The following CACHD1 variants were observed in gnomAD, a reference collection of about 807,000 sequenced individuals.
The protein encoded by CACHD1 is cache domain containing 1, also known as VWFA and cache domain-containing protein 1.
In CACHD1, 71 loss-of-function variants were observed where a neutral mutation model predicts 138.7. That is an observed-to-expected ratio of 0.51 (90% CI 0.42 to 0.62). The LOEUF is 0.62. Ranked by LOEUF, CACHD1 falls within the 20% of genes least tolerant of loss-of-function variation. The pLI, the probability that CACHD1 is intolerant of heterozygous loss-of-function variation, is 0.00. For synonymous variants in CACHD1, 578 were observed against 591.5 expected (o/e 0.98, Z 0.33); for missense variants, 1,389 against 1,625.3 (o/e 0.85, Z 2.50).
chr1:64,570,588 G>T (rs1646919416), intron 2 of CACHD1, among the ~76,000 whole-genome samples: 2 of 152,070 alleles, frequency 1.3e-5, no homozygotes, highest in Admixed American at 6.5e-5. Flanking sequence ...TCTTCTGTTT[G>T]CAGTTCGCCC....
chr1:64,509,566 A>G (rs941443772), intron 1 of CACHD1, among the ~76,000 whole-genome samples: 8 of 152,216 alleles, frequency 5.3e-5, no homozygotes, highest in Non-Finnish European at 7.3e-5. Context: ...TTATTCAGTA[A>G]TTTTATAAGT....
intron 8 of CACHD1, among the ~76,000 whole-genome samples, chr1:64,645,877 A>G (rs755327865): frequency 2.5e-4 from 38 of 152,270 alleles, no homozygotes; most frequent in Non-Finnish European, 5.1e-4. Context: ...ACTGTCCCCT[A>G]AATCTCGCAG....
chr1:64,658,947 CCCCACCCCTCCAAAAAAGATA>C lies in CACHD1; in HGVS notation c.1951+76_1951+96del, dbSNP rs558445664. 572 of 1,254,994 alleles carry C rather than the reference CCCCACCCCTCCAAAAAAGATA, an allele frequency of 4.6e-4. 3 individuals carry two copies. The African/African-American group carries it at 7.6e-3, about 17-fold the overall frequency. 77.7% of individuals were successfully genotyped at this position (1,254,994 alleles called of 1,614,324 possible). On this transcript the variant is annotated intron_variant, in intron 13 of 26. Coordinates refer to ENST00000651257, the MANE Select transcript of CACHD1 (RefSeq NM_020925.4). ...TAAATATCCTTTTGAATACCATCCA[CCCCACCCCTCCAAAAAAGATA>C]CTGAATGCCTGCAGAGTCAGCTGGT...
At position 64,492,045 on chromosome 1, in the gene CACHD1, T is replaced by A. The variant is rs1646279758; in HGVS notation, c.198+21103T>A. On this transcript the variant is annotated intron_variant, in intron 1 of 26. Transcript: ENST00000651257. ...TCCTGAAAGTACCTTTCACTAGTTT[T>A]TTTTCTTGACAAAAGATGGTTTGAA... Among the ~76,000 whole-genome samples, 3 of 152,106 alleles carry A rather than the reference T, an allele frequency of 2.0e-5. No homozygotes were observed. In the South Asian group the frequency reaches 6.2e-4, roughly 32 times the overall value.
In CACHD1 at chr1:64,653,999, C is replaced by T. The variant is rs1649186944; in HGVS notation, c.1664+118C>T. The T allele has an allele frequency of 1.2e-5, 11 of 895,784 alleles. No individual in the cohort carries two copies. The South Asian group carries it at 2.4e-4, about 19-fold the overall frequency. 55.5% of individuals were successfully genotyped at this position (895,784 alleles called of 1,614,324 possible). On this transcript the variant is annotated intron_variant, in intron 11 of 26. Coordinates refer to ENST00000651257, the MANE Select transcript of CACHD1 (RefSeq NM_020925.4). ...AGTGTATAAATTATTTTAATGTTAT[C>T]AAAAGTATTCTCAGTAATGTTTCCG...
chr1:64,487,111 T>C (rs1646247344), intron 1 of CACHD1, among the ~76,000 whole-genome samples: 1 of 152,172 alleles, frequency 6.6e-6, no homozygotes, highest in Admixed American at 6.6e-5. Flanking sequence ...ATAGGATCAC[T>C]GTGGAGAACA....
chr1:64,537,495 G>A (rs1646642289), intron 1 of CACHD1, among the ~76,000 whole-genome samples: 1 of 152,156 alleles, frequency 6.6e-6, no homozygotes, highest in Admixed American at 6.5e-5. Flanking sequence ...ACTTGAAGAG[G>A]CCAGTTTGTT....
chr1:64,625,575 C>T (rs11579597), intron 4 of CACHD1, among the ~76,000 whole-genome samples: 24,596 of 150,794 alleles, frequency 0.16, 2,305 homozygotes, highest in African/African-American at 0.25. Context: ...TGCAGTGAGC[C>T]GAGATTGCAC....
intron 7 of CACHD1, among the ~76,000 whole-genome samples, chr1:64,635,519 G>A (rs1648494880): frequency 6.6e-6 from 1 of 151,372 alleles, no homozygotes; most frequent in Non-Finnish European, 1.5e-5. Flanking sequence ...GAGTAGCTGG[G>A]ATTACAGGCA....
At chr1:64,503,448 A>C (rs1001221161) in intron 1 of CACHD1, among the ~76,000 whole-genome samples, 1 of 152,254 alleles carries the variant, frequency 6.6e-6, no homozygotes, top group African/African-American at 2.4e-5. Flanking sequence ...ATACTAAGTC[A>C]TGCCTTTTAG....
chr1:64,563,638 A>G (rs986985046), intron 2 of CACHD1: 4 of 152,134 alleles, frequency 2.6e-5, no homozygotes, highest in African/African-American at 9.7e-5. Context: ...ATCAGTCCTA[A>G]CTAAGGTGAT....
chr1:64,602,902 C>T lies in CACHD1; in HGVS notation c.507C>T (p.Asp169=). 1 of 1,608,774 alleles carries T rather than the reference C, an allele frequency of 6.2e-7. No homozygotes were observed. The highest frequency in any genetic ancestry group is 8.5e-7 in the Non-Finnish European group (1 of 1,175,322). The stretch of plus-strand genomic sequence containing the variant: ...GCCGGGCCTTCAATCCAGGACGAGA[C>T]TTAAATTCAGGTCAGTAATCCATTG... The part of the protein sequence containing the change: ...VNSRAFNPGR[D]LNSVLADNLK... Residue 169 remains aspartate (D), a synonymous_variant, in exon 4 of 27, where the codon GAC becomes GAT. Coordinates refer to ENST00000651257, the MANE Select transcript of CACHD1 (RefSeq NM_020925.4).
At chr1:64,493,468 T>C (rs1646289745) in intron 1 of CACHD1, among the ~76,000 whole-genome samples, 1 of 152,260 alleles carries the variant, frequency 6.6e-6, no homozygotes, top group Non-Finnish European at 1.5e-5. Flanking sequence ...GTGCTTCCTA[T>C]TTCTAAAGAT....
At chr1:64,665,959 C>T (rs551355783) in intron 15 of CACHD1, 98 bp from the exon 16 acceptor site, 77 of 587,536 alleles carry the variant, frequency 1.3e-4, no homozygotes, top group African/African-American at 1.1e-3. Context: ...GAGCTGAGAT[C>T]GCACCACTGC....
Position 64,647,834 on chromosome 1 carries a change from T to G in CACHD1, c.1190T>G (p.Leu397Arg), listed in dbSNP as rs1253380386. The G allele has an allele frequency of 6.2e-7, 1 of 1,614,064 alleles. No individual in the cohort carries two copies. Among genetic ancestry groups the G allele is most frequent in the African/African-American group, 1.3e-5 (1 of 74,926 alleles). ...GVTGLKELAF[L>R]RDLAEQNSGK... ...ACTGGTTTGAAAGAGCTGGCTTTTC[T>G]GAGGGATCTAGCTGAACAGAATTCA... The change falls in exon 9 of 27, where the codon CTG becomes CGG. Residue 397 changes from leucine to arginine, a missense_variant. By Grantham distance (102) the Leu-to-Arg change is moderately radical (BLOSUM62 -2). Around this residue, in one of 5 missense-constraint regions of CACHD1, gnomAD observed 1,000 missense variants for 1,114.7 expected, o/e 0.90. Coordinates refer to ENST00000651257, the MANE Select transcript of CACHD1 (RefSeq NM_020925.4).
At chr1:64,679,502 T>C in intron 23 of CACHD1, 93 bp from the exon 24 acceptor site, 1 of 1,408,120 alleles carries the variant, frequency 7.1e-7, no homozygotes, top group Non-Finnish European at 9.9e-7. Flanking sequence ...GCCAACCCCC[T>C]TCCCACTGTA....
intron 3 of CACHD1, among the ~76,000 whole-genome samples, chr1:64,595,249 C>T (rs1343365341): frequency 1.3e-5 from 2 of 152,186 alleles, no homozygotes; most frequent in East Asian, 3.8e-4. Flanking sequence ...ACCCAATTTA[C>T]AGTCTCCGGT....
chr1:64,638,498 C>T (rs966948268), intron 7 of CACHD1, among the ~76,000 whole-genome samples: 9 of 152,008 alleles, frequency 5.9e-5, no homozygotes, highest in African/African-American at 1.9e-4. Context: ...TTTTTTCAGT[C>T]TTATGGTAGA....
At chr1:64,532,354 G>A (rs142207890) in intron 1 of CACHD1, among the ~76,000 whole-genome samples, 19 of 152,314 alleles carry the variant, frequency 1.2e-4, no homozygotes, top group Non-Finnish European at 2.5e-4. Flanking sequence ...AAAAGCCCTC[G>A]TGCTCATGCA....
Sources: gnomAD v4.1 joint callset for allele counts (sites outside exome capture counted in the v4.1 genomes callset) on GRCh38, gnomAD v4.1.1 for gene constraint, gnomAD v4.1.1 regional missense constraint, MANE v1.5 for transcripts, NCBI Gene and HGNC (gene_info 2026-07-23, HGNC 2026-07-21) for gene names.